Variants in TBC1D22A observed in about 807,000 individuals in gnomAD.
The protein encoded by TBC1D22A is TBC1 domain family member 22A.
A neutral mutation model predicts 60.2 loss-of-function variants in TBC1D22A; 38 were observed. That is an observed-to-expected ratio of 0.63 (90% CI 0.49 to 0.83). The LOEUF is 0.83. TBC1D22A is among the 40% of genes least tolerant of loss of function. The probability of loss-of-function intolerance (pLI) is 0.00; values close to 1 mark genes in which losing one functional copy is unlikely to be tolerated. For missense variants in TBC1D22A, 628 were observed against 701.0 expected, an observed-to-expected ratio of 0.90 and a Z score of 1.18; for synonymous variants, 302 against 281.7, an observed-to-expected ratio of 1.07 and a Z score of -0.72.
At chr22:47,040,092 C>T (rs2148406745) in intron 11 of TBC1D22A, among the ~76,000 whole-genome samples, 1 of 151,962 alleles carries the variant, frequency 6.6e-6, no homozygotes, top group South Asian at 2.1e-4. Flanking sequence ...CTACAGGTGC[C>T]CGCCACCACG....
At chr22:47,099,050 T>C (rs1238070328) in intron 11 of TBC1D22A, among the ~76,000 whole-genome samples, 1 of 152,198 alleles carries the variant, frequency 6.6e-6, no homozygotes. Context: ...CCCTCTTTAC[T>C]CAGACCCTGA....
At chr22:47,103,324 G>A (rs1042725055) in intron 11 of TBC1D22A, among the ~76,000 whole-genome samples, 5 of 152,224 alleles carry the variant, frequency 3.3e-5, no homozygotes, top group Admixed American at 2.6e-4. Flanking sequence ...AGGGCTCCTG[G>A]GAAGAAGGGG....
chr22:46,976,525 G>T (rs778653825), intron 9 of TBC1D22A, among the ~76,000 whole-genome samples: 1 of 152,218 alleles, frequency 6.6e-6, no homozygotes, highest in Non-Finnish European at 1.5e-5. Context: ...GTTCAGAGAA[G>T]TATGAGGCTA....
chr22:47,162,428 C>T (rs9626947), intron 12 of TBC1D22A, among the ~76,000 whole-genome samples: 92,487 of 151,692 alleles, frequency 0.61, 28,380 homozygotes, highest in East Asian at 0.71. Context: ...AGGGGAGAGA[C>T]GACTCTCACT....
At chr22:46,878,811 G>A in intron 5 of TBC1D22A, 88 bp downstream of exon 5, 2 of 1,282,686 alleles carry the variant, frequency 1.6e-6, no homozygotes, top group South Asian at 2.4e-5. Flanking sequence ...GACAGCCACA[G>A]CCCACGGGTT....
intron 7 of TBC1D22A, among the ~76,000 whole-genome samples, chr22:46,897,461 C>A (rs2068735321): frequency 6.6e-6 from 1 of 152,024 alleles, no homozygotes; most frequent in Non-Finnish European, 1.5e-5. Context: ...AATTATATTC[C>A]TATGCAGATG....
chr22:46,900,058 C>T (rs1316699526), intron 7 of TBC1D22A, among the ~76,000 whole-genome samples: 1 of 151,854 alleles, frequency 6.6e-6, no homozygotes, highest in Non-Finnish European at 1.5e-5. Context: ...TTTCTCCTTC[C>T]CTTTCTCTTT....
intron 12 of TBC1D22A, among the ~76,000 whole-genome samples, chr22:47,112,015 A>C (rs1381112534): frequency 6.6e-6 from 1 of 152,200 alleles, no homozygotes; most frequent in Non-Finnish European, 1.5e-5. Flanking sequence ...CCTTCCAGCC[A>C]GGCCACTGGA....
chr22:46,946,504 T>C (rs1394415938), intron 8 of TBC1D22A, among the ~76,000 whole-genome samples: 2 of 152,072 alleles, frequency 1.3e-5, no homozygotes, highest in African/African-American at 4.8e-5. Flanking sequence ...GCCAGCCAGA[T>C]GGAGAGTAGA....
At chr22:47,098,408 ACACCCTGATGCTGC>A (rs2065268010) in intron 11 of TBC1D22A, among the ~76,000 whole-genome samples, 1 of 152,136 alleles carries the variant, frequency 6.6e-6, no homozygotes, top group South Asian at 2.1e-4. Flanking sequence ...GGCTGTTCTG[ACACCCTGATGCTGC>A]CACCCCCAGG....
chr22:47,100,687 C>T (rs977784107), intron 11 of TBC1D22A, among the ~76,000 whole-genome samples: 11 of 152,334 alleles, frequency 7.2e-5, no homozygotes, highest in African/African-American at 1.7e-4. Context: ...CTTTTCCTTC[C>T]GCCATGATTG....
At chr22:46,879,848 C>T (rs1045712866) in intron 5 of TBC1D22A, among the ~76,000 whole-genome samples, 2 of 109,080 alleles carry the variant, frequency 1.8e-5, no homozygotes, top group African/African-American at 5.2e-5. Context: ...TGTGCTTTCT[C>T]CTCTAATTCT....
rs559720937 is a variant in TBC1D22A, at chr22:47,005,865, A to G, written c.1201+8156A>G. On this transcript the variant is annotated intron_variant, in intron 10 of 12. Transcript: ENST00000337137. ...GCTACACACAGATGCCTATACAGACACCCCCATATACACACACACCTCCTA... is the reference window on the plus strand; with the variant it reads ...GCTACACACAGATGCCTATACAGACGCCCCCATATACACACACACCTCCTA... 2.8e-3 allele frequency among the ~76,000 whole-genome samples: 420 copies of G among 148,584 alleles called. 2 individuals are homozygous for G. Among genetic ancestry groups the G allele is most frequent in the African/African-American group, 0.01 (404 of 39,970 alleles).
At chr22:46,790,144 GGC>G (rs1204574026) in intron 1 of TBC1D22A, among the ~76,000 whole-genome samples, 1 of 152,256 alleles carries the variant, frequency 6.6e-6, no homozygotes, top group Non-Finnish European at 1.5e-5. Context: ...CCAAGGTGTT[GGC>G]GGGGCTGGTT....
Position 46,987,734 on chromosome 22 carries a change from C to G in TBC1D22A, c.1126-9900C>G, listed in dbSNP as rs117185823. Among the ~76,000 whole-genome samples, 1,236 of 152,316 alleles carry G rather than the reference C, an allele frequency of 8.1e-3. 7 individuals carry two copies. Among genetic ancestry groups the G allele is most frequent in the Non-Finnish European group, 0.013 (872 of 68,026 alleles). Reference sequence around the variant, plus strand: ...AGCGGAGGGTGTTTTCTCGTCTTGACAGCTGCAGACTGATCAGGGTGGTGG... The same window carrying G: ...AGCGGAGGGTGTTTTCTCGTCTTGAGAGCTGCAGACTGATCAGGGTGGTGG... On this transcript the variant is annotated intron_variant, in intron 9 of 12. Transcript: ENST00000337137.
At chr22:46,773,072 T>A (rs2083558282) in intron 1 of TBC1D22A, among the ~76,000 whole-genome samples, 1 of 152,242 alleles carries the variant, frequency 6.6e-6, no homozygotes, top group African/African-American at 2.4e-5. Flanking sequence ...TGCAGGGGCC[T>A]GTCCTGGCTC....
chr22:47,031,746 G>A (rs1309912002), intron 10 of TBC1D22A, among the ~76,000 whole-genome samples: 3 of 152,142 alleles, frequency 2.0e-5, no homozygotes, highest in Non-Finnish European at 4.4e-5. Flanking sequence ...GAGGGGCCGG[G>A]GTCCCCAGGG....
intron 10 of TBC1D22A, among the ~76,000 whole-genome samples, chr22:47,030,896 G>C (rs1043740201): frequency 2.0e-5 from 3 of 152,258 alleles, no homozygotes; most frequent in African/African-American, 4.8e-5. Context: ...TTTCCCGCTG[G>C]GGATGCACGT....
At chr22:46,860,057 C>T (rs13058588) in intron 4 of TBC1D22A, among the ~76,000 whole-genome samples, 18 of 15,454 alleles carry the variant, frequency 1.2e-3, no homozygotes, top group Admixed American at 1.8e-3. Flanking sequence ...TAGAGGTCCG[C>T]GCAGTGCTGT....
Sources: allele counts gnomAD v4.1 joint callset (sites outside exome capture counted in the v4.1 genomes callset), GRCh38; gene constraint gnomAD v4.1.1; transcripts MANE v1.5; gene names NCBI Gene and HGNC (gene_info 2026-07-23, HGNC 2026-07-21).